The following CBR4 variants were observed in gnomAD, a reference collection of about 807,000 sequenced individuals.
CBR4 encodes the protein carbonyl reductase 4.
A neutral mutation model predicts 21.0 loss-of-function variants in CBR4; 22 were observed. That is an observed-to-expected ratio of 1.05 (90% CI 0.75 to 1.50). The LOEUF (loss-of-function observed/expected upper bound fraction) is 1.50. Among genes scored for constraint, CBR4 ranks in the 40% most tolerant of loss-of-function variants. The pLI, the probability that CBR4 is intolerant of heterozygous loss-of-function variation, is 0.00. For missense variants in CBR4, 302 were observed against 286.3 expected (o/e 1.05, Z -0.40); for synonymous variants, 100 against 104.4 (o/e 0.96, Z 0.26).
chr4:169,009,115 C>T (rs1159441336), intron 1 of CBR4: 2 of 436,998 alleles, frequency 4.6e-6, no homozygotes, highest in Admixed American at 5.3e-5. Context: ...CAAGACGCAC[C>T]CCTAGGCCTC....
chr4:168,922,377 T>TTTA, intron 2 of CBR4, among the ~76,000 whole-genome samples: 1 of 152,178 alleles, frequency 6.6e-6, no homozygotes, highest in East Asian at 1.9e-4. Context: ...TAACAAAACA[T>TTTA]TTATTTCTTC....
chr4:168,897,215 A>G (rs769163371), intron 2 of CBR4, among the ~76,000 whole-genome samples: 1 of 152,162 alleles, frequency 6.6e-6, no homozygotes, highest in Non-Finnish European at 1.5e-5. Flanking sequence ...ATACCTTTCT[A>G]TGGGGAACAA....
intron 2 of CBR4, chr4:168,915,828 A>T: frequency 1.6e-6 from 2 of 1,239,176 alleles, no homozygotes; most frequent in Non-Finnish European, 2.4e-6. Context: ...AAGAAAACAG[A>T]TGACTAAAAG....
chr4:168,938,338 C>T (rs1763169884), intron 2 of CBR4, among the ~76,000 whole-genome samples: 1 of 152,124 alleles, frequency 6.6e-6, no homozygotes. Flanking sequence ...ATTTATAGCA[C>T]TAAATGCCCA....
At chr4:169,008,068 T>C (rs957602124) in intron 1 of CBR4, among the ~76,000 whole-genome samples, 2 of 152,240 alleles carry the variant, frequency 1.3e-5, no homozygotes, top group African/African-American at 4.8e-5. Flanking sequence ...GCTTTAACAC[T>C]GAATTCATGC....
chr4:168,956,531 G>A (rs1320684115), intron 2 of CBR4, among the ~76,000 whole-genome samples: 4 of 135,474 alleles, frequency 3.0e-5, no homozygotes, highest in Non-Finnish European at 6.1e-5. Flanking sequence ...CCAGGAGGCA[G>A]AGGTTGTAGT....
intron 3 of CBR4, among the ~76,000 whole-genome samples, chr4:169,004,243 A>G (rs566126540): frequency 2.0e-5 from 3 of 152,312 alleles, no homozygotes; most frequent in African/African-American, 7.2e-5. Flanking sequence ...TTTTAGCAAT[A>G]AAGTATTTTT....
chr4:168,903,919 A>G (rs1757078230), intron 2 of CBR4: 2 of 1,612,624 alleles, frequency 1.2e-6, no homozygotes, highest in African/African-American at 1.3e-5. Context: ...AAAGAAGGGT[A>G]TAGGTCTGGG....
chr4:168,905,593 T>C (rs1359409288), intron 2 of CBR4, among the ~76,000 whole-genome samples: 1 of 152,120 alleles, frequency 6.6e-6, no homozygotes, highest in Non-Finnish European at 1.5e-5. Flanking sequence ...CAGGTTGTGA[T>C]AGAGCACAGC....
intron 4 of CBR4, among the ~76,000 whole-genome samples, chr4:168,999,899 C>G (rs1365535726): frequency 1.3e-5 from 2 of 152,146 alleles, no homozygotes; most frequent in East Asian, 3.8e-4. Flanking sequence ...ACATGTCAGT[C>G]TTTTTCACTA....
rs1730758950 is a variant in CBR4, at chr4:169,004,736, G to A, written c.400+2019C>T. ...AATATCTGCGAGACATGCTTGTACTGTCAATCTAAATTGGCAAAGCTTCAA... is the reference window on the plus strand; with the variant it reads ...AATATCTGCGAGACATGCTTGTACTATCAATCTAAATTGGCAAAGCTTCAA... On this transcript the variant is annotated intron_variant, in intron 3 of 4. Coordinates refer to ENST00000306193, the MANE Select transcript of CBR4 (RefSeq NM_032783.5). Among the ~76,000 whole-genome samples, 5 of 152,166 alleles carry A rather than the reference G, an allele frequency of 3.3e-5. 1 individual carries two copies. In the South Asian group the frequency reaches 1.0e-3, roughly 31 times the overall value.
intron 2 of CBR4, among the ~76,000 whole-genome samples, chr4:168,977,762 G>GT (rs770216172): frequency 6.6e-6 from 1 of 152,136 alleles, no homozygotes; most frequent in Admixed American, 6.5e-5. Context: ...CTTATGCAGT[G>GT]TTTTTTGCGA....
At chr4:168,985,620 G>A (rs955650463), downstream of CBR4, among the ~76,000 whole-genome samples, 3 of 152,144 alleles carry the variant, frequency 2.0e-5, no homozygotes, top group African/African-American at 7.2e-5. Flanking sequence ...GCAAAGACAT[G>A]GAACCAACCT....
At chr4:168,999,677 TAAGA>T (rs1275091741) in intron 4 of CBR4, among the ~76,000 whole-genome samples, 1 of 151,572 alleles carries the variant, frequency 6.6e-6, no homozygotes, top group African/African-American at 2.4e-5. Flanking sequence ...GTAAAATCTT[TAAGA>T]AAGAAAGACT....
chr4:168,916,646 A>G (rs532500248), intron 2 of CBR4, among the ~76,000 whole-genome samples: 7 of 150,908 alleles, frequency 4.6e-5, no homozygotes, highest in African/African-American at 1.5e-4. Context: ...TTGTATCCAT[A>G]TATCTACTCT....
At chr4:168,931,581 C>T (rs1762971199) in intron 2 of CBR4, among the ~76,000 whole-genome samples, 1 of 151,760 alleles carries the variant, frequency 6.6e-6, no homozygotes, top group Admixed American at 6.5e-5. Flanking sequence ...GTCCCAAGCC[C>T]AAGAAACAGC....
At chr4:168,907,160 TG>T (rs1354545745) in intron 2 of CBR4, among the ~76,000 whole-genome samples, 2 of 152,032 alleles carry the variant, frequency 1.3e-5, no homozygotes, top group Non-Finnish European at 2.9e-5. Flanking sequence ...AAATAGTACA[TG>T]TAAAAAGCAT....
At position 169,010,222 on chromosome 4, in the gene CBR4, C is replaced by T. The variant is rs1261889365; in HGVS notation, c.-133G>A. On this transcript the variant is annotated 5_prime_UTR_variant, in exon 1 of 5. Transcript: ENST00000306193. ...AAAGGCAAACCGCAAAAAAAAATAA[C>T]GCCGCTCGACACCTCCTGCAGCCGC... 3.8e-6 allele frequency: 3 copies of T among 788,524 alleles called. No homozygotes were observed. The highest frequency in any genetic ancestry group is 1.8e-5 in the African/African-American group (1 of 56,642). The allele number at this position is 788,524 out of a possible 1,614,324, so 48.8% of individuals were successfully genotyped here. A position where few individuals can be genotyped will look rare whatever the true frequency, so the allele number is the denominator to read the frequency against.
intron 2 of CBR4, among the ~76,000 whole-genome samples, chr4:168,949,079 G>A (rs1364493874): frequency 6.6e-6 from 1 of 152,040 alleles, no homozygotes; most frequent in East Asian, 1.9e-4. Context: ...GAGGTCTTTA[G>A]CCTCCTTGGT....
Sources: gnomAD v4.1 joint callset for allele counts (sites outside exome capture counted in the v4.1 genomes callset) on GRCh38, gnomAD v4.1.1 for gene constraint, MANE v1.5 for transcripts, NCBI Gene and HGNC (gene_info 2026-07-23, HGNC 2026-07-21) for gene names.